Variants in CCDC196 observed in about 807,000 individuals in gnomAD.
CCDC196 encodes the protein coiled-coil domain-containing protein 196.
chr14:66,492,673 C>T (rs2057570525), intron 8 of CCDC196: 1 of 152,458 alleles, frequency 6.6e-6, no homozygotes, highest in African/African-American at 2.4e-5. Context: ...AGCTTCTTTA[C>T]TAAGGCAAAG....
chr14:66,493,383 G>A (rs543545933), intron 8 of CCDC196, among the ~76,000 whole-genome samples: 10 of 152,298 alleles, frequency 6.6e-5, no homozygotes, highest in South Asian at 2.1e-4. Context: ...AACTCATGAA[G>A]TAACAACAAA....
In CCDC196 at chr14:66,492,187, G is replaced by A; in HGVS notation, c.708G>A (p.Gly236=). 4.8e-6 allele frequency: 2 copies of A among 413,822 alleles called. No individual in the cohort carries two copies. The highest frequency in any genetic ancestry group is 8.8e-6 in the Non-Finnish European group (2 of 226,226). 25.6% of individuals were successfully genotyped at this position (413,822 alleles called of 1,614,324 possible). The change falls in exon 8 of 10, where the codon GGG becomes GGA. Residue 236 remains glycine, a synonymous_variant. Transcript: ENST00000636229. ...EPMQAFLNLP[G]SQGTMGITTM... ...TGCAAGCATTTTTAAATCTTCCTGG[G>A]TCCCAAGGTAGGTAGAATATCCCAG...
At chr14:66,491,493 T>C (rs767254463) in intron 6 of CCDC196, 133 bp from the exon 7 acceptor site, 5 of 410,454 alleles carry the variant, frequency 1.2e-5, no homozygotes, top group African/African-American at 4.1e-5. Context: ...ATTAAGAGAA[T>C]TGTGCAGTTA....
At chr14:66,490,075 C>A (rs1011849470) in intron 4 of CCDC196, among the ~76,000 whole-genome samples, 1 of 152,078 alleles carries the variant, frequency 6.6e-6, no homozygotes, top group African/African-American at 2.4e-5. Context: ...TTGAGATCTG[C>A]TCCAGGTTCT....
Position 66,490,730 on chromosome 14 carries a change from G to T in CCDC196, c.352-12G>T, listed in dbSNP as rs188708710. The T allele has an allele frequency of 5.0e-6, 2 of 399,140 alleles. No homozygotes were observed. The allele number at this position is 399,140 out of a possible 1,614,324, so 24.7% of individuals were successfully genotyped here. On this transcript the variant is annotated splice_polypyrimidine_tract_variant and intron_variant, in intron 4 of 9. Coordinates refer to ENST00000636229, the MANE Select transcript of CCDC196 (RefSeq NM_001351576.1). ...CACTACTTTAAAGCTTTGCCAAAAT[G>T]TCTTTCCACAGACATTCGAGGCAGA...
intron 8 of CCDC196, among the ~76,000 whole-genome samples, chr14:66,497,050 G>C (rs2057683685): frequency 6.6e-6 from 1 of 152,096 alleles, no homozygotes; most frequent in South Asian, 2.1e-4. Context: ...ACTTCAGCAG[G>C]TGCTGCTGAA....
At chr14:66,491,770 GTCCCCACA>G (rs2057542635) in intron 7 of CCDC196, 85 bp downstream of exon 7, 1 of 412,638 alleles carries the variant, frequency 2.4e-6, no homozygotes, top group Non-Finnish European at 4.4e-6. Flanking sequence ...GTGAAGCCCA[GTCCCCACA>G]TCCTAGATTA....
intron 3 of CCDC196, among the ~76,000 whole-genome samples, chr14:66,488,785 C>T (rs1208315974): frequency 6.6e-6 from 1 of 151,938 alleles, no homozygotes; most frequent in African/African-American, 2.4e-5. Context: ...AAAACAATAA[C>T]TTGGTTTTTT....
intron 8 of CCDC196, among the ~76,000 whole-genome samples, chr14:66,492,429 G>A (rs1445009880): frequency 6.7e-6 from 1 of 150,158 alleles, no homozygotes. Flanking sequence ...TCTGCCTCCC[G>A]GGTCCCAGTT....
At chr14:66,489,374 A>G (rs1336172432) in intron 4 of CCDC196, among the ~76,000 whole-genome samples, 1 of 151,946 alleles carries the variant, frequency 6.6e-6, no homozygotes, top group Non-Finnish European at 1.5e-5. Flanking sequence ...TTCCTATCTC[A>G]AGGACTTTGC....
chr14:66,496,069 G>A, intron 8 of CCDC196: 1 of 288,782 alleles, frequency 3.5e-6, no homozygotes, highest in Non-Finnish European at 6.9e-6. Flanking sequence ...AAAAATAAAA[G>A]ATGGTGCTTA....
At chr14:66,493,102 A>G (rs1406543085) in intron 8 of CCDC196, among the ~76,000 whole-genome samples, 2 of 152,180 alleles carry the variant, frequency 1.3e-5, no homozygotes, top group Non-Finnish European at 2.9e-5. Context: ...CGAGATGGGA[A>G]ATCATGGCCA....
At chr14:66,492,741 A>G (rs2057572606) in intron 8 of CCDC196, 1 of 152,682 alleles carries the variant, frequency 6.5e-6, no homozygotes, top group East Asian at 1.9e-4. Flanking sequence ...TTACATACTT[A>G]GCATATGTAG....
chr14:66,493,212 CA>C (rs367802109), intron 8 of CCDC196, among the ~76,000 whole-genome samples: 184 of 152,186 alleles, frequency 1.2e-3, no homozygotes, highest in African/African-American at 4.0e-3. Context: ...ACAGTCAACA[CA>C]TAGGGTTAAA....
At chr14:66,496,626 G>A (rs2139616046) in intron 8 of CCDC196, 1 of 260,614 alleles carries the variant, frequency 3.8e-6, no homozygotes, top group African/African-American at 2.2e-5. Context: ...GAGTCCAGAA[G>A]GCAAGTTTGT....
chr14:66,489,205 A>C (rs1440759983), intron 4 of CCDC196, among the ~76,000 whole-genome samples, 168 bp downstream of exon 4: 1 of 152,178 alleles, frequency 6.6e-6, no homozygotes, highest in African/African-American at 2.4e-5. Flanking sequence ...AAAACAATCA[A>C]AGCATGTTAC....
At chr14:66,494,538 C>T (rs937679272) in intron 8 of CCDC196, 4 of 152,096 alleles carry the variant, frequency 2.6e-5, no homozygotes, top group African/African-American at 9.7e-5. Flanking sequence ...TTTACATTGA[C>T]TTCTTTAGTT....
intron 8 of CCDC196, among the ~76,000 whole-genome samples, chr14:66,497,412 T>G (rs759201336): frequency 1.3e-5 from 2 of 152,172 alleles, no homozygotes; most frequent in Non-Finnish European, 2.9e-5. Context: ...TTTGTGGGCA[T>G]CACACACTCA....
intron 3 of CCDC196, 113 bp downstream of exon 3, chr14:66,488,369 A>C: frequency 2.5e-6 from 1 of 398,558 alleles, no homozygotes; most frequent in Non-Finnish European, 4.5e-6. Flanking sequence ...TGATGCTCCA[A>C]CACTCATATC....
Sources: gnomAD v4.1 joint callset for allele counts (sites outside exome capture counted in the v4.1 genomes callset) on GRCh38, gnomAD v4.1.1 for gene constraint, MANE v1.5 for transcripts, NCBI Gene and HGNC (gene_info 2026-07-23, HGNC 2026-07-21) for gene names.